The following GCC2 variants were observed in gnomAD, a reference collection of about 807,000 sequenced individuals.
The protein encoded by GCC2 is GRIP and coiled-coil domain containing 2, also known as GRIP and coiled-coil domain-containing protein 2.
GCC2 carries 120 observed loss-of-function variants against 210.6 expected under a neutral mutation model. The observed-to-expected ratio is 0.57, with a 90% confidence interval of 0.49 to 0.66. The LOEUF is 0.66. Among genes scored for constraint, GCC2 ranks in the 30% least tolerant of loss-of-function variants. GCC2 has a pLI of 0.00. For synonymous variants in GCC2, 703 were observed against 652.7 expected (o/e 1.08, Z -1.17); for missense variants, 1,868 against 1,871.9 (o/e 1.00, Z 0.04).
At chr2:108,504,755 G>C in intron 22 of GCC2, among the ~76,000 whole-genome samples, 1 of 152,128 alleles carries the variant, frequency 6.6e-6, no homozygotes, top group Non-Finnish European at 1.5e-5. Flanking sequence ...GGAAGTAAAA[G>C]TCATTTTTCT....
In GCC2 at chr2:108,471,543, A is replaced by G. The variant is rs769472880; in HGVS notation, c.2214A>G (p.Gln738=). 6.2e-7 allele frequency: 1 copy of G among 1,607,136 alleles called. No homozygotes were observed. Among genetic ancestry groups the G allele is most frequent in the Non-Finnish European group, 8.5e-7 (1 of 1,176,818 alleles). Residue 738 remains glutamine (Q), a synonymous_variant, in exon 6 of 23, where the codon CAA becomes CAG. Coordinates refer to ENST00000309863, the MANE Select transcript of GCC2 (RefSeq NM_181453.4). ...AACTTCAGTTAATGGTTGAAGAGCA[A>G]GATAATTTAAATAAACTGCTTGAAA... ...EKKLQLMVEE[Q]DNLNKLLENE... is the part of the protein sequence containing the mutation.
intron 16 of GCC2, 56 bp downstream of exon 16, chr2:108,486,704 A>G (rs773623863): frequency 5.0e-5 from 77 of 1,528,238 alleles, no homozygotes; most frequent in Non-Finnish European, 6.7e-5. Context: ...TCAGCTAGTC[A>G]TTGGTTTACT....
chr2:108,477,896 T>C lies in GCC2; in HGVS notation c.3060+2046T>C, dbSNP rs190389386. On this transcript the variant is annotated intron_variant, in intron 9 of 22. Coordinates refer to ENST00000309863, the MANE Select transcript of GCC2 (RefSeq NM_181453.4). ...CCCTGTCTCTACAAAATACACAAAA[T>C]TTAGCTGGGCATGGTGGCACACACC... Among the ~76,000 whole-genome samples, 248 of 152,172 alleles carry C rather than the reference T, an allele frequency of 1.6e-3. No homozygotes were observed. In the Middle Eastern group the frequency reaches 0.031, roughly 19 times the overall value.
At chr2:108,466,230 AGTGGTCTCTACTCT>A (rs1558735878) in intron 4 of GCC2, among the ~76,000 whole-genome samples, 1 of 152,072 alleles carries the variant, frequency 6.6e-6, no homozygotes, top group African/African-American at 2.4e-5. Flanking sequence ...CCATTGTGTG[AGTGGTCTCTACTCT>A]GTGGGCCAAC....
intron 4 of GCC2, among the ~76,000 whole-genome samples, chr2:108,466,386 A>G (rs184335038): frequency 2.0e-5 from 3 of 152,198 alleles, no homozygotes; most frequent in Admixed American, 2.0e-4. Context: ...ACTGGTTTGT[A>G]GAATTTTTTA....
intron 22 of GCC2, among the ~76,000 whole-genome samples, chr2:108,504,040 C>T (rs913215671): frequency 7.9e-5 from 12 of 151,958 alleles, no homozygotes; most frequent in South Asian, 2.1e-4. Context: ...ATAAGGAGTT[C>T]GAGGCTGCAG....
rs1274980324 is a variant in GCC2 at position 108,488,407 on chromosome 2, A to G, written c.4052+587A>G. 2.6e-5 allele frequency among the ~76,000 whole-genome samples: 4 copies of G among 152,236 alleles called. No individual in the cohort carries two copies. The East Asian group carries it at 7.7e-4, about 29-fold the overall frequency. Reference sequence around the variant, plus strand: ...AATAGGCTAACAGTTCAATCTTAATAAGATCTTGTCGTGGTAGAAATACAG... The same window carrying G: ...AATAGGCTAACAGTTCAATCTTAATGAGATCTTGTCGTGGTAGAAATACAG... On this transcript the variant is annotated intron_variant, in intron 17 of 22. Transcript: ENST00000309863.
intron 4 of GCC2, among the ~76,000 whole-genome samples, chr2:108,465,598 A>G (rs1250345106): frequency 6.6e-6 from 1 of 152,110 alleles, no homozygotes; most frequent in Non-Finnish European, 1.5e-5. Context: ...GTGGGAATAT[A>G]TATGGTTTTT....
intron 16 of GCC2, among the ~76,000 whole-genome samples, chr2:108,487,087 G>T (rs1457221543): frequency 6.6e-6 from 1 of 152,058 alleles, no homozygotes. Context: ...CACTGTTGTG[G>T]GAGTTTACAG....
Position 108,449,643 on chromosome 2 carries a change from A to G in GCC2, c.17A>G (p.Gln6Arg). The part of the protein sequence containing the change: MEDLV[Q>R]DGVASPATPG... ...GATTTTGTTTTGCAGGATCTTGTTCAAGATGGGGTGGCTTCACCAGCTACC... is the reference window on the plus strand; with the variant it reads ...GATTTTGTTTTGCAGGATCTTGTTCGAGATGGGGTGGCTTCACCAGCTACC... The change falls in exon 2 of 23, where the codon CAA becomes CGA. Residue 6 changes from glutamine (Q) to arginine (R), a missense_variant. Around this residue, in one of 3 missense-constraint regions of GCC2, gnomAD observed 1,847 missense variants for 1,765.2 expected, o/e 1.05. Transcript: ENST00000309863. 6.2e-7 allele frequency: 1 copy of G among 1,613,790 alleles called. No homozygotes were observed. The highest frequency in any genetic ancestry group is 8.5e-7 in the Non-Finnish European group (1 of 1,179,756).
chr2:108,492,865 T>G, intron 19 of GCC2, 75 bp downstream of exon 19: 1 of 1,134,098 alleles, frequency 8.8e-7, no homozygotes, highest in Non-Finnish European at 1.3e-6. Flanking sequence ...TCTTCACAAA[T>G]TCATAAGAAA....
chr2:108,450,357 G>A (rs1015522091), intron 2 of GCC2, among the ~76,000 whole-genome samples: 1 of 152,136 alleles, frequency 6.6e-6, no homozygotes, highest in African/African-American at 2.4e-5. Context: ...ATTTTCTTGT[G>A]ACCAAAGACT....
rs1322611947 is a variant in GCC2 at position 108,472,074 on chromosome 2, A to C, written c.2745A>C (p.Gln915His). 6.4e-7 allele frequency: 1 copy of C among 1,570,112 alleles called. No individual in the cohort carries two copies. Among genetic ancestry groups the C allele is most frequent in the Non-Finnish European group, 8.6e-7 (1 of 1,167,212 alleles). ...AAAACCTAAAGCCACTACTAGAACA[A>C]AAAGAATTACGAGATAGGAGAGCAG... ...EHENLKPLLE[Q>H]KELRDRRAEL... Residue 915 changes from glutamine (Q) to histidine (H), a missense_variant, in exon 6 of 23, where the codon CAA becomes CAC. By Grantham distance (24) the Gln-to-His change is conservative. Around this residue, in one of 3 missense-constraint regions of GCC2, gnomAD observed 1,847 missense variants for 1,765.2 expected, o/e 1.05. Transcript: ENST00000309863.
At chr2:108,452,573 C>G (rs1680002752) in intron 4 of GCC2, 107 bp downstream of exon 4, 1 of 726,110 alleles carries the variant, frequency 1.4e-6, no homozygotes, top group South Asian at 1.6e-5. Context: ...TTCCTCTCTG[C>G]CTTGGTTGTT....
rs1682222911 is a variant in GCC2, at chr2:108,487,830, G to A, written c.4052+10G>A. On this transcript the variant is annotated intron_variant, in intron 17 of 22. Coordinates refer to ENST00000309863, the MANE Select transcript of GCC2 (RefSeq NM_181453.4). ...GCGCTAAACAAGAAAGGTAAAGTCTGAATTAAATATGCAGAGTTTTCCTCC... is the reference window on the plus strand; with the variant it reads ...GCGCTAAACAAGAAAGGTAAAGTCTAAATTAAATATGCAGAGTTTTCCTCC... The A allele has an allele frequency of 6.3e-7, 1 of 1,599,948 alleles. No homozygotes were observed.
In GCC2 at chr2:108,475,626, C is replaced by T; in HGVS notation, c.2952C>T (p.Ser984=). Residue 984 remains serine (S), a synonymous_variant, in exon 8 of 23, where the codon AGC becomes AGT. Transcript: ENST00000309863. ...AGGCAAAGAAAGAACTAGATTCCAG[C>T]AGAAAAGAGGTGAGCTGACTTTAAA... ...AVKAKKELDS[S]RKETQTVKEE... 6.5e-7 allele frequency: 1 copy of T among 1,535,614 alleles called. No homozygotes were observed. The highest frequency in any genetic ancestry group is 8.8e-7 in the Non-Finnish European group (1 of 1,138,078).
rs1420685582 is a variant in GCC2, at chr2:108,496,961, A to G, written c.4643-9A>G. ...TTTGAAAATTAATTCTTGGAACAAC[A>G]TGTTGCAGAGCCTCCATTATGGCAT... On this transcript the variant is annotated splice_polypyrimidine_tract_variant and intron_variant, in intron 20 of 22. Coordinates refer to ENST00000309863, the MANE Select transcript of GCC2 (RefSeq NM_181453.4). 1.9e-6 allele frequency: 3 copies of G among 1,611,870 alleles called. No individual in the cohort carries two copies. The highest frequency in any genetic ancestry group is 1.1e-5 in the South Asian group (1 of 90,968).
rs563600671 is a variant in GCC2, at chr2:108,495,275, T to A, written c.4448-16T>A. On this transcript the variant is annotated splice_polypyrimidine_tract_variant and intron_variant, in intron 19 of 22. Transcript: ENST00000309863. ...TTGAACAATCTCACACTTAACCTTT[T>A]AAAAAAATCTAATAGGCCCAGTTTC... 1,728 of 1,560,968 alleles carry A rather than the reference T, an allele frequency of 1.1e-3. 2 individuals carry two copies. The highest frequency in any genetic ancestry group is 9.6e-3 in the Middle Eastern group (41 of 4,262).
At chr2:108,492,237 A>G (rs1044550061) in intron 18 of GCC2, among the ~76,000 whole-genome samples, 4 of 152,028 alleles carry the variant, frequency 2.6e-5, no homozygotes, top group African/African-American at 9.7e-5. Flanking sequence ...GAAGAAGTGG[A>G]CTAATTAAAA....
Sources: allele counts gnomAD v4.1 joint callset (sites outside exome capture counted in the v4.1 genomes callset), GRCh38; gene constraint gnomAD v4.1.1; regional missense constraint gnomAD v4.1.1; transcripts MANE v1.5; gene names NCBI Gene and HGNC (gene_info 2026-07-23, HGNC 2026-07-21).